Variants in TECR observed in about 807,000 individuals in gnomAD.
TECR encodes very-long-chain enoyl-CoA reductase.
A neutral mutation model predicts 50.6 loss-of-function variants in TECR; 19 were observed. The observed-to-expected ratio is 0.38, with a 90% confidence interval of 0.26 to 0.55. TECR has a LOEUF of 0.55. TECR is among the 20% of genes least tolerant of loss of function. The pLI is 0.79. For missense variants in TECR, 313 were observed against 408.3 expected, an observed-to-expected ratio of 0.77 and a Z score of 2.01; for synonymous variants, 168 against 163.5, an observed-to-expected ratio of 1.03 and a Z score of -0.21.
intron 1 of TECR, among the ~76,000 whole-genome samples, chr19:14,535,752 G>C (rs2072875617): frequency 2.3e-5 from 1 of 43,446 alleles, no homozygotes; most frequent in Non-Finnish European, 5.4e-5. Context: ...GTGAGACTCT[G>C]TCTCAAAAAA....
chr19:14,529,805 C>T (rs1044463836), intron 1 of TECR, 94 bp downstream of exon 1: 6 of 1,574,238 alleles, frequency 3.8e-6, no homozygotes, highest in Admixed American at 1.7e-5. Flanking sequence ...TGGTCCTGTG[C>T]CCCGAAGGAA....
chr19:14,560,446 G>T (rs2073869318), intron 1 of TECR, among the ~76,000 whole-genome samples: 1 of 152,172 alleles, frequency 6.6e-6, no homozygotes, highest in Non-Finnish European at 1.5e-5. Flanking sequence ...GGCAGGCCCC[G>T]TGCCCGCCCA....
At position 14,563,507 on chromosome 19, in the gene TECR, A is replaced by C; in HGVS notation, c.119-151A>C. 1 of 1,037,750 alleles carries C rather than the reference A, an allele frequency of 9.6e-7. No homozygotes were observed. Among genetic ancestry groups the C allele is most frequent in the Non-Finnish European group, 1.5e-6 (1 of 689,556 alleles). 64.3% of individuals were successfully genotyped at this position (1,037,750 alleles called of 1,614,324 possible). A position where few individuals can be genotyped will look rare whatever the true frequency, so the allele number is the denominator to read the frequency against. On this transcript the variant is annotated intron_variant, in intron 3 of 12. Coordinates refer to ENST00000215567, the MANE Select transcript of TECR (RefSeq NM_138501.6). The surrounding 1 kb of genome is among the most constrained non-coding windows in gnomAD (Gnocchi z 5.3). ...TCTGGCTTGTGTCCTGAAACCGCAC[A>C]AGCCTGAGGGTTTGCCCCCAGGTGG... is the stretch of plus-strand genomic sequence containing the variant.
chr19:14,554,341 GT>G (rs1321687237), intron 1 of TECR, among the ~76,000 whole-genome samples: 1 of 152,184 alleles, frequency 6.6e-6, no homozygotes, highest in African/African-American at 2.4e-5. Flanking sequence ...GAAGTTTCAG[GT>G]TCATAAGCCA....
At chr19:14,562,652 C>T in intron 2 of TECR, 77 bp downstream of exon 2, 1 of 1,535,222 alleles carries the variant, frequency 6.5e-7, no homozygotes, top group Non-Finnish European at 9.0e-7. Flanking sequence ...CAGGAGCTGT[C>T]CAGTGGGGCC....
chr19:14,565,101 C>A lies in TECR; in HGVS notation c.642C>A (p.Ala214=), dbSNP rs1568432979. ...CQLGNFSIHM[A]LRDLRPAGSK... Reference sequence around the variant, plus strand: ...TCGGCAACTTCTCCATCCACATGGCCCTGCGGGACCTGCGGCCCGCTGGTG... The same window carrying A: ...TCGGCAACTTCTCCATCCACATGGCACTGCGGGACCTGCGGCCCGCTGGTG... The change falls in exon 10 of 13, where the codon GCC becomes GCA. Residue 214 remains alanine (A), a synonymous_variant. Transcript: ENST00000215567. 1 of 1,613,846 alleles carries A rather than the reference C, an allele frequency of 6.2e-7. No individual in the cohort carries two copies.
Position 14,543,298 on chromosome 19 carries a change from G to C in TECR, c.15+13587G>C, listed in dbSNP as rs562220888. Among the ~76,000 whole-genome samples the C allele has an allele frequency of 5.6e-4, 68 of 121,960 alleles. 2 individuals carry two copies. The East Asian group carries it at 0.013, about 23-fold the overall frequency. The allele number at this position is 121,960 out of a possible 152,430, so 80.0% of individuals were successfully genotyped here. ...GTTGGAGGATTGCAGAGGGTGGGGT[G>C]GGGGTGTGTGTGTGTGCAGATACTG... On this transcript the variant is annotated intron_variant, in intron 1 of 12. Transcript: ENST00000215567.
chr19:14,562,092 G>T, intron 1 of TECR: 1 of 452,674 alleles, frequency 2.2e-6, no homozygotes, highest in Non-Finnish European at 4.0e-6. Flanking sequence ...CTGGCTCCCC[G>T]GGGAGACTCC....
At chr19:14,548,718 C>T (rs1437314554) in intron 1 of TECR, among the ~76,000 whole-genome samples, 1 of 152,120 alleles carries the variant, frequency 6.6e-6, no homozygotes, top group Non-Finnish European at 1.5e-5. Flanking sequence ...GCTGGGATTA[C>T]AGGCACGCAT....
At chr19:14,539,684 C>CT (rs953547263) in intron 1 of TECR, among the ~76,000 whole-genome samples, 1 of 152,102 alleles carries the variant, frequency 6.6e-6, no homozygotes, top group Admixed American at 6.6e-5. Context: ...TAAGCACATG[C>CT]TATTCCCTCG....
At chr19:14,556,354 A>G (rs2073720663) in intron 1 of TECR, among the ~76,000 whole-genome samples, 1 of 151,720 alleles carries the variant, frequency 6.6e-6, no homozygotes, top group African/African-American at 2.4e-5. Flanking sequence ...TGGAGGTTGC[A>G]GTGAGCCGAG....
At chr19:14,558,044 C>A (rs1004369825) in intron 1 of TECR, among the ~76,000 whole-genome samples, 2 of 152,178 alleles carry the variant, frequency 1.3e-5, no homozygotes, top group Non-Finnish European at 2.9e-5. Flanking sequence ...CGTGAGCCAC[C>A]ACGCCCGGCC....
chr19:14,554,067 A>G (rs539927244), intron 1 of TECR, among the ~76,000 whole-genome samples: 44 of 152,174 alleles, frequency 2.9e-4, no homozygotes, highest in Non-Finnish European at 4.4e-4. Flanking sequence ...CAGCTCTGCA[A>G]GGGGGCCCTG....
intron 1 of TECR, among the ~76,000 whole-genome samples, chr19:14,547,963 CTTTT>C (rs1043298294): frequency 3.2e-5 from 4 of 125,664 alleles, no homozygotes; most frequent in Admixed American, 8.0e-5. Context: ...ATGGGCATTT[CTTTT>C]TTTTTTTTTT....
chr19:14,545,563 A>C lies in TECR; in HGVS notation c.15+15852A>C, dbSNP rs73521814. Among the ~76,000 whole-genome samples the C allele has an allele frequency of 6.0e-3, 915 of 152,272 alleles. 10 individuals are homozygous for C. Among genetic ancestry groups the C allele is most frequent in the African/African-American group, 0.021 (880 of 41,546 alleles). ...CGCACTGTCATATCCCGGCCCTTGG[A>C]TCGCTGCCCGCACGCTCTTGTTACA... is the stretch of plus-strand genomic sequence containing the variant. On this transcript the variant is annotated intron_variant, in intron 1 of 12. Transcript: ENST00000215567.
intron 1 of TECR, chr19:14,529,927 G>T (rs1428464989): frequency 2.7e-5 from 18 of 676,046 alleles, no homozygotes; most frequent in South Asian, 5.6e-5. Context: ...GGCTGTTTTG[G>T]GGGTACTTTT....
At chr19:14,548,392 C>T (rs567216855) in intron 1 of TECR, among the ~76,000 whole-genome samples, 1 of 152,282 alleles carries the variant, frequency 6.6e-6, no homozygotes, top group South Asian at 2.1e-4. Context: ...TTTGACTCTG[C>T]TCTTTCTCTC....
At chr19:14,539,450 C>T (rs1047602310) in intron 1 of TECR, among the ~76,000 whole-genome samples, 1 of 152,104 alleles carries the variant, frequency 6.6e-6, no homozygotes, top group Non-Finnish European at 1.5e-5. Context: ...AGGTGCCTGT[C>T]ACAGCTGCCT....
At chr19:14,538,324 T>G (rs2072976346) in intron 1 of TECR, among the ~76,000 whole-genome samples, 4 of 151,988 alleles carry the variant, frequency 2.6e-5, no homozygotes, top group Admixed American at 2.6e-4. Context: ...AAGCTTCAGT[T>G]TTGTCACCCT....
Sources: gnomAD v4.1 joint callset for allele counts (sites outside exome capture counted in the v4.1 genomes callset) on GRCh38, gnomAD v4.1.1 for gene constraint, Gnocchi (gnomAD v3.1) non-coding constraint, MANE v1.5 for transcripts, NCBI Gene and HGNC (gene_info 2026-07-23, HGNC 2026-07-21) for gene names.